The following PRKN variants were observed in gnomAD, a reference collection of about 807,000 sequenced individuals.
The protein encoded by PRKN is parkin RBR E3 ubiquitin protein ligase, also known as E3 ubiquitin-protein ligase parkin.
In PRKN, 56 loss-of-function variants were observed where a neutral mutation model predicts 59.5. That is an observed-to-expected ratio of 0.94 (90% CI 0.76 to 1.18). The LOEUF is 1.18. Ranked by LOEUF, PRKN falls within the 50% of genes most tolerant of loss-of-function variation. The pLI is 0.00. For missense variants in PRKN, 657 were observed against 596.4 expected, an observed-to-expected ratio of 1.10 and a Z score of -1.06; for synonymous variants, 250 against 222.1, an observed-to-expected ratio of 1.13 and a Z score of -1.12.
chr6:162,177,235 A>ATTTT (rs1393911613), intron 4 of PRKN, among the ~76,000 whole-genome samples: 1 of 152,180 alleles, frequency 6.6e-6, no homozygotes, highest in African/African-American at 2.4e-5. Flanking sequence ...AATTTTTAAA[A>ATTTT]ATAGAACTAT....
At chr6:162,406,968 G>T (rs1402992705) in intron 2 of PRKN, among the ~76,000 whole-genome samples, 2 of 151,958 alleles carry the variant, frequency 1.3e-5, no homozygotes, top group East Asian at 1.9e-4. Context: ...CCATAATAAT[G>T]TTGACCAAAA....
intron 9 of PRKN, among the ~76,000 whole-genome samples, chr6:161,406,422 T>G (rs1450059694): frequency 6.6e-6 from 1 of 152,122 alleles, no homozygotes; most frequent in East Asian, 1.9e-4. Flanking sequence ...AGTTCTTCTT[T>G]TAGGGCGAGA....
intron 7 of PRKN, among the ~76,000 whole-genome samples, chr6:161,716,877 AG>A (rs1411773866): frequency 4.6e-5 from 7 of 152,192 alleles, no homozygotes; most frequent in African/African-American, 1.7e-4. Context: ...AATAAGCAAC[AG>A]GGAACCACTT....
In PRKN at chr6:161,442,549, G is replaced by A. The variant is rs1254534307; in HGVS notation, c.1084-55672C>T. 2.0e-5 allele frequency among the ~76,000 whole-genome samples: 3 copies of A among 152,300 alleles called. No homozygotes were observed. The highest frequency in any genetic ancestry group is 1.5e-5 in the Non-Finnish European group (1 of 68,032). On this transcript the variant is annotated intron_variant, in intron 9 of 11. Transcript: ENST00000366898. This position sits in a 1 kb window ranked among gnomAD's most constrained non-coding sequence, Gnocchi z 4.6. ...CGAGTACAAGAAGGCACTGAATAGC[G>A]TGCCGTTCCGCACCACCAAGCGGAA...
intron 8 of PRKN, among the ~76,000 whole-genome samples, chr6:161,557,834 G>A (rs549111550): frequency 2.6e-5 from 4 of 152,284 alleles, no homozygotes; most frequent in East Asian, 3.9e-4. Context: ...TAAGGAGGTT[G>A]ATTTTGTGCT....
chr6:161,716,105 C>T (rs1255056869), intron 7 of PRKN: 1 of 1,348,108 alleles, frequency 7.4e-7, no homozygotes, highest in Non-Finnish European at 9.8e-7. Flanking sequence ...CCCAGAGCTC[C>T]TCTAAGCACC....
In PRKN at chr6:162,253,026, G is replaced by A. The variant is rs932640223; in HGVS notation, c.412+9499C>T. ...TGCTTCCTGGAGCCTGCCTTCCAGC[G>A]GGCAGCCTACCACCTGCGTGTGCTA... On this transcript the variant is annotated intron_variant, in intron 3 of 11. Coordinates refer to ENST00000366898, the MANE Select transcript of PRKN (RefSeq NM_004562.3). Among the ~76,000 whole-genome samples the A allele has an allele frequency of 2.6e-5, 4 of 152,200 alleles. 1 individual carries two copies. Among genetic ancestry groups the A allele is most frequent in the South Asian group, 4.1e-4 (2 of 4,826 alleles).
chr6:162,404,115 T>C (rs1475921437), intron 2 of PRKN, among the ~76,000 whole-genome samples: 1 of 152,088 alleles, frequency 6.6e-6, no homozygotes, highest in Non-Finnish European at 1.5e-5. Flanking sequence ...CTCATGCCTG[T>C]AATCCCAGCA....
Position 161,825,410 on chromosome 6 carries a change from T to C in PRKN, c.735-39502A>G, listed in dbSNP as rs983535067. ...TCCCCACAAAATCTGAACTTGTCTC[T>C]GCTTAGTTAAGCACCTCCTCAGGAC... is the stretch of plus-strand genomic sequence containing the variant. On this transcript the variant is annotated intron_variant, in intron 6 of 11. Transcript: ENST00000366898. 2.0e-5 allele frequency among the ~76,000 whole-genome samples: 3 copies of C among 152,202 alleles called. No homozygotes were observed. The South Asian group carries it at 6.2e-4, about 32-fold the overall frequency.
intron 1 of PRKN, among the ~76,000 whole-genome samples, chr6:162,580,231 G>A (rs1780735009): frequency 1.3e-5 from 2 of 152,114 alleles, no homozygotes; most frequent in South Asian, 4.1e-4. Context: ...GAGCCCAGGA[G>A]TTTGAGACCA....
intron 1 of PRKN, among the ~76,000 whole-genome samples, chr6:162,683,760 G>A (rs771652931): frequency 2.6e-5 from 4 of 152,006 alleles, no homozygotes; most frequent in Non-Finnish European, 5.9e-5. Flanking sequence ...TCTTGAGGAG[G>A]CAGAAACAGG....
intron 9 of PRKN, among the ~76,000 whole-genome samples, chr6:161,517,978 A>G (rs1778677377): frequency 6.6e-6 from 1 of 152,166 alleles, no homozygotes; most frequent in South Asian, 2.1e-4. Context: ...AAAGTAAAGC[A>G]CACATGAAAT....
intron 2 of PRKN, among the ~76,000 whole-genome samples, chr6:162,387,545 CACACACACACAGAGAGAGAG>C (rs1020899672): frequency 2.3e-4 from 17 of 74,910 alleles, no homozygotes; most frequent in Non-Finnish European, 3.6e-4. Flanking sequence ...CACACACACA[CACACACACACAGAGAGAGAG>C]AGAGAGAGAG....
chr6:162,503,132 A>ATTTTTTTTT (rs1314559813), intron 1 of PRKN, among the ~76,000 whole-genome samples: 6 of 86,576 alleles, frequency 6.9e-5, no homozygotes, highest in Admixed American at 2.2e-4. Flanking sequence ...AATAGTCTTC[A>ATTTTTTTTT]TTTCTTTTTT....
rs74473470 is a variant in PRKN, at chr6:161,478,919, G to A, written c.1083+69935C>T. On this transcript the variant is annotated intron_variant, in intron 9 of 11. Coordinates refer to ENST00000366898, the MANE Select transcript of PRKN (RefSeq NM_004562.3). ...TATGTGGATATACTAATGCAATGAT[G>A]CAGCTATAGTCATCATATAAATATG... Among the ~76,000 whole-genome samples, 1,182 of 152,248 alleles carry A rather than the reference G, an allele frequency of 7.8e-3. 15 individuals carry two copies. The highest frequency in any genetic ancestry group is 0.027 in the African/African-American group (1,131 of 41,546).
At chr6:161,757,231 T>C (rs573823760) in intron 7 of PRKN, among the ~76,000 whole-genome samples, 9 of 152,232 alleles carry the variant, frequency 5.9e-5, no homozygotes, top group Non-Finnish European at 1.0e-4. Flanking sequence ...AGCTGGCAAA[T>C]TGGATTTAAC....
intron 4 of PRKN, among the ~76,000 whole-genome samples, chr6:162,177,104 T>TCA (rs1327341188): frequency 2.6e-5 from 4 of 151,942 alleles, no homozygotes; most frequent in East Asian, 1.9e-4. Context: ...CTGTATATAG[T>TCA]CACACACACA....
intron 2 of PRKN, among the ~76,000 whole-genome samples, chr6:162,341,903 T>A (rs73028958): frequency 0.1 from 14,459 of 144,944 alleles, 1,186 homozygotes; most frequent in East Asian, 0.47. Context: ...CCTAATGTAT[T>A]AAAAAAAAAA....
intron 1 of PRKN, chr6:162,569,480 C>G: frequency 1.5e-6 from 1 of 689,312 alleles, no homozygotes; most frequent in East Asian, 2.8e-5. Context: ...GGAGAGCCAC[C>G]TGGAGTCTGG....
Sources: gnomAD v4.1 joint callset for allele counts (sites outside exome capture counted in the v4.1 genomes callset) on GRCh38, gnomAD v4.1.1 for gene constraint, Gnocchi (gnomAD v3.1) non-coding constraint, MANE v1.5 for transcripts, NCBI Gene and HGNC (gene_info 2026-07-23, HGNC 2026-07-21) for gene names.